Variants in MECOM observed in about 807,000 individuals in gnomAD.
MECOM encodes MDS1 and EVI1 complex locus.
MECOM carries 13 observed loss-of-function variants against 116.3 expected under a neutral mutation model. The ratio of observed to expected loss-of-function variants is 0.11; its 90% CI spans 0.07 to 0.18. The LOEUF (loss-of-function observed/expected upper bound fraction) is 0.18, where lower values mean the gene tolerates loss of function less well. Ranked by LOEUF, MECOM falls within the 10% of genes least tolerant of loss-of-function variation. The pLI is 1.00. For missense variants in MECOM, 1,299 were observed against 1,509.0 expected (o/e 0.86, Z 2.31); for synonymous variants, 528 against 535.2 (o/e 0.99, Z 0.19).
chr3:169,254,085 T>C (rs1251349994), intron 2 of MECOM, among the ~76,000 whole-genome samples: 1 of 152,146 alleles, frequency 6.6e-6, no homozygotes, highest in Non-Finnish European at 1.5e-5. Flanking sequence ...CTCTTCTGAG[T>C]TCCCATGGGC....
At chr3:169,263,349 C>T (rs969234078) in intron 2 of MECOM, among the ~76,000 whole-genome samples, 16 of 151,310 alleles carry the variant, frequency 1.1e-4, no homozygotes, top group Non-Finnish European at 1.8e-4. Flanking sequence ...AAGATGGTCT[C>T]GATCTCCTGA....
chr3:169,096,036 TA>T (rs71634421), intron 12 of MECOM, among the ~76,000 whole-genome samples: 36,696 of 151,748 alleles, frequency 0.24, 4,705 homozygotes, highest in Non-Finnish European at 0.28. Context: ...TTCCATGTGA[TA>T]AAAAAAATCA....
chr3:169,303,800 G>A (rs1162682143), intron 2 of MECOM, among the ~76,000 whole-genome samples: 2 of 152,158 alleles, frequency 1.3e-5, no homozygotes, highest in African/African-American at 4.8e-5. Context: ...AAATGACTTT[G>A]TTTATTGGTT....
intron 1 of MECOM, among the ~76,000 whole-genome samples, chr3:169,655,110 C>A (rs1445723890): frequency 9.6e-6 from 1 of 104,286 alleles, no homozygotes; most frequent in Non-Finnish European, 1.7e-5. Flanking sequence ...AAGTGGAAGA[C>A]CTGGCGGCCC....
chr3:169,258,427 G>A (rs1296770812), intron 2 of MECOM, among the ~76,000 whole-genome samples: 1 of 152,084 alleles, frequency 6.6e-6, no homozygotes, highest in Non-Finnish European at 1.5e-5. Flanking sequence ...CCAAGTCATA[G>A]GTTATTTTCT....
chr3:169,179,653 C>A (rs1745683752), intron 2 of MECOM, among the ~76,000 whole-genome samples: 1 of 152,070 alleles, frequency 6.6e-6, no homozygotes, highest in South Asian at 2.1e-4. Context: ...AATTACTCCA[C>A]AGTAAACTGA....
intron 1 of MECOM, among the ~76,000 whole-genome samples, chr3:169,461,474 C>T: frequency 6.6e-6 from 1 of 152,078 alleles, no homozygotes; most frequent in South Asian, 2.1e-4. Context: ...TATACAGAAT[C>T]TTTATTTTTC....
intron 1 of MECOM, among the ~76,000 whole-genome samples, chr3:169,490,473 A>G (rs752514965): frequency 4.2e-4 from 64 of 152,340 alleles, no homozygotes; most frequent in Non-Finnish European, 8.7e-4. Flanking sequence ...ACAAATTAAT[A>G]AACTGTGGTG....
chr3:169,401,294 C>T (rs1735850791), intron 1 of MECOM, among the ~76,000 whole-genome samples: 1 of 152,206 alleles, frequency 6.6e-6, no homozygotes. Flanking sequence ...GATCAACCTG[C>T]TGTCATACCT....
At chr3:169,406,364 C>A (rs1308287534) in intron 1 of MECOM, among the ~76,000 whole-genome samples, 1 of 152,154 alleles carries the variant, frequency 6.6e-6, no homozygotes, top group East Asian at 1.9e-4. Flanking sequence ...ATGCAGAGAG[C>A]CCCCAGGGTC....
At chr3:169,363,771 A>G (rs187127023) in intron 2 of MECOM, among the ~76,000 whole-genome samples, 1 of 152,060 alleles carries the variant, frequency 6.6e-6, no homozygotes, top group African/African-American at 2.4e-5. Flanking sequence ...CTGAACACGC[A>G]GTATATAAAT....
intron 1 of MECOM, among the ~76,000 whole-genome samples, chr3:169,494,830 T>C (rs951995007): frequency 2.6e-5 from 4 of 152,224 alleles, no homozygotes; most frequent in Non-Finnish European, 5.9e-5. Flanking sequence ...TTTAGTTATC[T>C]ATTAAACTGT....
chr3:169,306,870 C>T (rs1243503234), intron 2 of MECOM, among the ~76,000 whole-genome samples: 2 of 152,232 alleles, frequency 1.3e-5, no homozygotes, highest in South Asian at 2.1e-4. Context: ...TCCTCCTTAC[C>T]CCACAGGGGG....
At chr3:169,172,930 C>T (rs1330468088) in intron 2 of MECOM, among the ~76,000 whole-genome samples, 1 of 152,074 alleles carries the variant, frequency 6.6e-6, no homozygotes, top group Non-Finnish European at 1.5e-5. Flanking sequence ...GAAATGAGGA[C>T]ACTTTATAAA....
rs184244536 is a variant in MECOM at position 169,446,653 on chromosome 3, G to A, written c.38-65129C>T. Among the ~76,000 whole-genome samples, 17 of 152,224 alleles carry A rather than the reference G, an allele frequency of 1.1e-4. No homozygotes were observed. In the East Asian group the frequency reaches 1.9e-3, roughly 17 times the overall value. ...TGGGTAGTAGTTATGTGTGTTGTGCGTTATCTTTATCTACCTTTATTATCT... is the reference window on the plus strand; with the variant it reads ...TGGGTAGTAGTTATGTGTGTTGTGCATTATCTTTATCTACCTTTATTATCT... On this transcript the variant is annotated intron_variant, in intron 1 of 16. Coordinates refer to ENST00000651503, the MANE Select transcript of MECOM (RefSeq NM_004991.4).
At chr3:169,092,468 T>C (rs554053132) in intron 14 of MECOM, among the ~76,000 whole-genome samples, 2 of 151,970 alleles carry the variant, frequency 1.3e-5, no homozygotes, top group African/African-American at 2.4e-5. Context: ...ATAATACAGG[T>C]ATATAGAATC....
chr3:169,659,617 TTCC>T (rs1486526819), intron 1 of MECOM, among the ~76,000 whole-genome samples: 3 of 152,100 alleles, frequency 2.0e-5, no homozygotes, highest in African/African-American at 7.2e-5. Flanking sequence ...GAGAAGGATT[TTCC>T]TCCTCAGAAG....
At chr3:169,603,691 T>A (rs952897373) in intron 1 of MECOM, among the ~76,000 whole-genome samples, 2 of 152,342 alleles carry the variant, frequency 1.3e-5, no homozygotes, top group South Asian at 2.1e-4. Flanking sequence ...TACAGTAACA[T>A]GCTGTACAGG....
At chr3:169,661,008 A>G (rs1171748950) in intron 1 of MECOM, among the ~76,000 whole-genome samples, 1 of 152,146 alleles carries the variant, frequency 6.6e-6, no homozygotes, top group African/African-American at 2.4e-5. Flanking sequence ...GACAAAATAA[A>G]TGGGTCTCCC....
Sources: allele counts gnomAD v4.1 joint callset (sites outside exome capture counted in the v4.1 genomes callset), GRCh38; gene constraint gnomAD v4.1.1; transcripts MANE v1.5; gene names NCBI Gene and HGNC (gene_info 2026-07-23, HGNC 2026-07-21).